Variants in DLC1 observed in about 807,000 individuals in gnomAD.
DLC1 encodes DLC1 Rho GTPase activating protein.
In DLC1, 54 loss-of-function variants were observed where a neutral mutation model predicts 140.3. The ratio of observed to expected loss-of-function variants is 0.38; its 90% CI spans 0.31 to 0.48. DLC1 has a LOEUF of 0.48. Ranked by LOEUF, DLC1 falls within the 20% of genes least tolerant of loss-of-function variation. The probability of loss-of-function intolerance (pLI) is 0.96; values close to 1 mark genes in which losing one functional copy is unlikely to be tolerated. For missense variants in DLC1, 2,536 were observed against 1,907.0 expected, an observed-to-expected ratio of 1.33 and a Z score of -6.14; for synonymous variants, 986 against 728.1, an observed-to-expected ratio of 1.35 and a Z score of -5.70.
chr8:13,098,380 T>A lies in DLC1; in HGVS notation c.3167+19A>T. ...AATATCATTTTCAACGACAGTTGAC[T>A]GATCATTTAAACTCTTACCAGCTAA... On this transcript the variant is annotated intron_variant, in intron 10 of 17. Coordinates refer to ENST00000276297, the MANE Select transcript of DLC1 (RefSeq NM_182643.3). The A allele has an allele frequency of 4.3e-6, 7 of 1,613,108 alleles. No homozygotes were observed. Among genetic ancestry groups the A allele is most frequent in the Non-Finnish European group, 5.9e-6 (7 of 1,179,312 alleles).
intron 5 of DLC1, among the ~76,000 whole-genome samples, chr8:13,157,234 C>G (rs137922070): frequency 9.2e-5 from 14 of 152,096 alleles, no homozygotes; most frequent in Non-Finnish European, 2.1e-4. Context: ...CTGAAATACT[C>G]TATGACATTA....
intron 4 of DLC1, among the ~76,000 whole-genome samples, chr8:13,315,776 T>C (rs1832840653): frequency 1.3e-5 from 2 of 152,234 alleles, no homozygotes; most frequent in South Asian, 2.1e-4. Flanking sequence ...GGGAGTCATA[T>C]GCTCAGGTTT....
intron 2 of DLC1, among the ~76,000 whole-genome samples, chr8:13,418,279 A>G (rs893199835): frequency 6.6e-6 from 1 of 152,132 alleles, no homozygotes; most frequent in African/African-American, 2.4e-5. Context: ...TTAGACATGA[A>G]GTCCTTGCCC....
intron 5 of DLC1, among the ~76,000 whole-genome samples, chr8:13,149,398 G>A (rs550893436): frequency 6.6e-6 from 1 of 152,272 alleles, no homozygotes; most frequent in South Asian, 2.1e-4. Context: ...TTGCTCTGAA[G>A]CAGTCTGTGT....
intron 2 of DLC1, among the ~76,000 whole-genome samples, chr8:13,453,997 G>C (rs1056021258): frequency 2.6e-5 from 4 of 152,016 alleles, no homozygotes; most frequent in African/African-American, 7.2e-5. Context: ...ATGTGCCAAG[G>C]CTGTAAATCC....
intron 5 of DLC1, among the ~76,000 whole-genome samples, chr8:13,180,599 T>C (rs1825977146): frequency 6.6e-6 from 1 of 151,994 alleles, no homozygotes; most frequent in Non-Finnish European, 1.5e-5. Flanking sequence ...ATGTTGAATT[T>C]AGGAGTTTCT....
chr8:13,532,783 A>G (rs561105632), intron 1 of DLC1, among the ~76,000 whole-genome samples: 137 of 152,236 alleles, frequency 9.0e-4, no homozygotes, highest in African/African-American at 3.2e-3. Flanking sequence ...GCCTTTTGGT[A>G]TGTTTGTGTA....
upstream of DLC1, among the ~76,000 whole-genome samples, chr8:13,515,071 G>A (rs571676192): frequency 6.6e-6 from 1 of 151,996 alleles, no homozygotes; most frequent in Admixed American, 6.6e-5. Context: ...AAGTCCTAGA[G>A]CTTTTTCTAT....
chr8:13,370,544 G>C (rs970718760), intron 4 of DLC1, among the ~76,000 whole-genome samples: 3 of 152,130 alleles, frequency 2.0e-5, no homozygotes, highest in Non-Finnish European at 4.4e-5. Flanking sequence ...CATTATCCTT[G>C]ATGTTCCTGT....
intron 5 of DLC1, among the ~76,000 whole-genome samples, chr8:13,299,230 G>T (rs1049471866): frequency 6.6e-6 from 1 of 151,890 alleles, no homozygotes; most frequent in African/African-American, 2.4e-5. Flanking sequence ...ATCCCTTGAG[G>T]CCAGGTGTTC....
In DLC1 at chr8:13,090,481, C is replaced by A. The variant is rs775400462; in HGVS notation, c.3856-11G>T. 1.2e-6 allele frequency: 2 copies of A among 1,613,082 alleles called. No homozygotes were observed. The highest frequency in any genetic ancestry group is 1.7e-6 in the Non-Finnish European group (2 of 1,179,842). ...CATTTCCTCGGGAACCTGTGCGGAA[C>A]ATGACAGACAGAAAGGAGGTGAGTC... On this transcript the variant is annotated splice_polypyrimidine_tract_variant and intron_variant, in intron 14 of 17. Transcript: ENST00000276297.
At chr8:13,468,511 C>A (rs1489142995) in intron 2 of DLC1, among the ~76,000 whole-genome samples, 11 of 151,586 alleles carry the variant, frequency 7.3e-5, no homozygotes, top group Admixed American at 4.6e-4. Flanking sequence ...ATAGCTAGGA[C>A]TACAGATGTG....
At chr8:13,351,555 G>A (rs150479235) in intron 4 of DLC1, among the ~76,000 whole-genome samples, 18 of 152,282 alleles carry the variant, frequency 1.2e-4, no homozygotes, top group African/African-American at 4.1e-4. Flanking sequence ...AAAAATCACA[G>A]AAAATAGAAA....
intron 1 of DLC1, among the ~76,000 whole-genome samples, chr8:13,510,295 T>C (rs1432970749): frequency 6.6e-6 from 1 of 151,646 alleles, no homozygotes; most frequent in East Asian, 1.9e-4. Flanking sequence ...TGCCTCAGCC[T>C]CCTGAGCAGC....
Position 13,170,622 on chromosome 8 carries a change from C to T in DLC1, c.1349-54965G>A, listed in dbSNP as rs531375689. 1.3e-4 allele frequency among the ~76,000 whole-genome samples: 19 copies of T among 149,606 alleles called. 2 individuals carry two copies. In the South Asian group the frequency reaches 4.0e-3, roughly 32 times the overall value. On this transcript the variant is annotated intron_variant, in intron 5 of 17. Coordinates refer to ENST00000276297, the MANE Select transcript of DLC1 (RefSeq NM_182643.3). ...GCGGGCACCTGTAGTCCCAGCTAGTCGGGAGGCTGAGGCAGGAGAATGGCG... is the reference window on the plus strand; with the variant it reads ...GCGGGCACCTGTAGTCCCAGCTAGTTGGGAGGCTGAGGCAGGAGAATGGCG...
At chr8:13,134,699 C>A (rs1227253809) in intron 5 of DLC1, among the ~76,000 whole-genome samples, 1 of 152,114 alleles carries the variant, frequency 6.6e-6, no homozygotes, top group Non-Finnish European at 1.5e-5. Flanking sequence ...TGGCTCACAC[C>A]TGTAATCCTA....
chr8:13,124,420 T>A (rs572791861), intron 5 of DLC1, among the ~76,000 whole-genome samples: 3 of 152,196 alleles, frequency 2.0e-5, no homozygotes, highest in Non-Finnish European at 4.4e-5. Flanking sequence ...CTGGATTTAC[T>A]ACAATACAGA....
intron 4 of DLC1, among the ~76,000 whole-genome samples, chr8:13,320,224 A>G (rs1833038622): frequency 6.6e-6 from 1 of 152,176 alleles, no homozygotes; most frequent in African/African-American, 2.4e-5. Flanking sequence ...TGAACACTAG[A>G]ATAAAATGCT....
chr8:13,392,621 G>A (rs1836812889), intron 4 of DLC1, among the ~76,000 whole-genome samples: 1 of 152,060 alleles, frequency 6.6e-6, no homozygotes, highest in African/African-American at 2.4e-5. Flanking sequence ...CACTAAACTA[G>A]GAAAGGTTAT....
Sources: allele counts gnomAD v4.1 joint callset (sites outside exome capture counted in the v4.1 genomes callset), GRCh38; gene constraint gnomAD v4.1.1; transcripts MANE v1.5; gene names NCBI Gene and HGNC (gene_info 2026-07-23, HGNC 2026-07-21).